Variants in OPRM1 observed in about 807,000 individuals in gnomAD.
OPRM1 encodes opioid receptor mu 1, also known as mu-type opioid receptor.
A neutral mutation model predicts 31.8 loss-of-function variants in OPRM1; 27 were observed. The ratio of observed to expected loss-of-function variants is 0.85; its 90% CI spans 0.63 to 1.17. The LOEUF (loss-of-function observed/expected upper bound fraction) is 1.17, where lower values mean the gene tolerates loss of function less well. Among genes scored for constraint, OPRM1 ranks in the 50% most tolerant of loss-of-function variants. OPRM1 has a pLI of 0.00. For synonymous variants in OPRM1, 196 were observed against 189.9 expected (o/e 1.03, Z -0.26); for missense variants, 536 against 511.1 (o/e 1.05, Z -0.47).
At chr6:154,152,390 A>AAGAAAGAAAGAAAGAGAGAAAGAGAGAG (rs1360734115) in intron 3 of OPRM1, among the ~76,000 whole-genome samples, 1 of 126,198 alleles carries the variant, frequency 7.9e-6, no homozygotes, top group Non-Finnish European at 1.7e-5. Flanking sequence ...GAAAGAAAGA[A>AAGAAAGAAAGAAAGAGAGAAAGAGAGAG]AGAGAAATAG....
At chr6:154,074,305 T>G (rs1476973785) in intron 1 of OPRM1, 1 of 152,200 alleles carries the variant, frequency 6.6e-6, no homozygotes, top group African/African-American at 2.4e-5. Context: ...AGTAAAGCAC[T>G]CTGAACAGTA....
intron 1 of OPRM1, among the ~76,000 whole-genome samples, chr6:154,041,834 CT>C (rs1780131044): frequency 6.6e-6 from 1 of 152,130 alleles, no homozygotes; most frequent in Non-Finnish European, 1.5e-5. Flanking sequence ...ATTTTATTCC[CT>C]TTTATTGCTT....
intron 3 of OPRM1, among the ~76,000 whole-genome samples, chr6:154,245,181 G>C (rs1780927635): frequency 6.6e-6 from 1 of 151,980 alleles, no homozygotes; most frequent in Non-Finnish European, 1.5e-5. Context: ...GAGGGGAGAA[G>C]AAAAGAGAGA....
chr6:154,028,829 G>T, intron 1 of OPRM1, among the ~76,000 whole-genome samples: 1 of 152,312 alleles, frequency 6.6e-6, no homozygotes, highest in African/African-American at 2.4e-5. Flanking sequence ...CCACTGCTGG[G>T]GAATGGAGGA....
intron 3 of OPRM1, among the ~76,000 whole-genome samples, chr6:154,232,384 T>C (rs1438734103): frequency 6.6e-6 from 1 of 152,150 alleles, no homozygotes; most frequent in Non-Finnish European, 1.5e-5. Context: ...AGACCTAGCA[T>C]TTATTGAGCG....
intron 1 of OPRM1, among the ~76,000 whole-genome samples, chr6:154,045,917 G>T (rs1781021099): frequency 6.6e-6 from 1 of 152,138 alleles, no homozygotes; most frequent in East Asian, 1.9e-4. Flanking sequence ...ACATCAGAAG[G>T]CCCCGCCCAC....
rs538903415 is a variant in OPRM1 at position 154,032,375 on chromosome 6, A to G, written c.1-6786A>G. ...AGCTGATTAAGTTGTTCATTGTCAC[A>G]CCAATTGCCTGTGATTTAAACAAGA... is the stretch of plus-strand genomic sequence containing the variant. On this transcript the variant is annotated intron_variant, in intron 1 of 5. Transcript: ENST00000434900. 1.2e-4 allele frequency among the ~76,000 whole-genome samples: 18 copies of G among 152,350 alleles called. No homozygotes were observed. The South Asian group carries it at 3.7e-3, about 32-fold the overall frequency.
intron 3 of OPRM1, chr6:154,160,128 A>T: frequency 1.0e-6 from 1 of 977,798 alleles, no homozygotes. Flanking sequence ...TTACAAGTAC[A>T]CATATACATA....
intron 1 of OPRM1, among the ~76,000 whole-genome samples, chr6:154,015,030 A>ATTTGT (rs1777927831): frequency 4.6e-5 from 5 of 109,614 alleles, no homozygotes; most frequent in African/African-American, 1.3e-4. Flanking sequence ...TCAAAGACAC[A>ATTTGT]AAAGTAAACT....
Position 154,126,309 on chromosome 6 carries a change from A to T in OPRM1, c.*7588A>T, listed in dbSNP as rs1797584581. On this transcript the variant is annotated 3_prime_UTR_variant, in exon 4 of 4. Coordinates refer to ENST00000330432, the MANE Select transcript of OPRM1 (RefSeq NM_000914.5). ...GAGCTTCATTAATTTAAGCACAGCA[A>T]AACTGCTTTAATTAACAAGACCAGA... Among the ~76,000 whole-genome samples, 1 of 152,356 alleles carries T rather than the reference A, an allele frequency of 6.6e-6. No homozygotes were observed. Among genetic ancestry groups the T allele is most frequent in the East Asian group, 1.9e-4 (1 of 5,188 alleles).
At chr6:154,055,493 A>G (rs574372955) in intron 1 of OPRM1, among the ~76,000 whole-genome samples, 17 of 152,144 alleles carry the variant, frequency 1.1e-4, no homozygotes, top group African/African-American at 4.1e-4. Flanking sequence ...TATGCAACCT[A>G]CCAACACTCA....
At chr6:154,177,482 A>G (rs1212028853) in intron 3 of OPRM1, among the ~76,000 whole-genome samples, 1 of 152,250 alleles carries the variant, frequency 6.6e-6, no homozygotes, top group Non-Finnish European at 1.5e-5. Flanking sequence ...GGCAAAGGAC[A>G]TGAACAGACA....
intron 3 of OPRM1, among the ~76,000 whole-genome samples, chr6:154,196,012 G>A (rs183575013): frequency 9.2e-5 from 14 of 151,960 alleles, no homozygotes; most frequent in African/African-American, 2.9e-4. Flanking sequence ...GGCTGGTCTC[G>A]AACTCCTGAC....
intron 3 of OPRM1, among the ~76,000 whole-genome samples, chr6:154,144,023 A>G (rs1209029941): frequency 6.6e-6 from 1 of 152,236 alleles, no homozygotes. Flanking sequence ...CAAAAGGATA[A>G]TAAAGAAATA....
chr6:154,097,464 A>G (rs909720452), intron 3 of OPRM1, among the ~76,000 whole-genome samples: 8 of 151,586 alleles, frequency 5.3e-5, no homozygotes, highest in East Asian at 1.9e-4. Flanking sequence ...ATTCAATGGG[A>G]AAAAAAACTC....
chr6:154,095,720 G>A (rs1056115822), intron 3 of OPRM1, among the ~76,000 whole-genome samples: 3 of 152,040 alleles, frequency 2.0e-5, no homozygotes, highest in South Asian at 4.1e-4. Context: ...GTGCATGCCT[G>A]GGCTCAGCCT....
intron 3 of OPRM1, among the ~76,000 whole-genome samples, chr6:154,183,958 T>C (rs968951493): frequency 1.3e-5 from 2 of 150,278 alleles, no homozygotes; most frequent in African/African-American, 2.5e-5. Context: ...AAGAAAAAAA[T>C]TGTTTTGTGG....
At chr6:154,103,570 A>G (rs2128506802) in intron 3 of OPRM1, among the ~76,000 whole-genome samples, 1 of 152,170 alleles carries the variant, frequency 6.6e-6, no homozygotes, top group East Asian at 1.9e-4. Context: ...TTTTTTTTTC[A>G]AAGTGAAAGC....
At chr6:154,043,080 A>G (rs1780401524) in intron 1 of OPRM1, among the ~76,000 whole-genome samples, 2 of 152,166 alleles carry the variant, frequency 1.3e-5, no homozygotes, top group African/African-American at 4.8e-5. Context: ...TCTTTTTCCA[A>G]GGTTTGTTCA....
Sources: allele counts gnomAD v4.1 joint callset (sites outside exome capture counted in the v4.1 genomes callset), GRCh38; gene constraint gnomAD v4.1.1; transcripts MANE v1.5; gene names NCBI Gene and HGNC (gene_info 2026-07-23, HGNC 2026-07-21).